The following LRPAP1 variants were observed in gnomAD, a reference collection of about 807,000 sequenced individuals.
LRPAP1 encodes alpha-2-macroglobulin receptor-associated protein.
A neutral mutation model predicts 39.9 loss-of-function variants in LRPAP1; 41 were observed. The observed-to-expected ratio is 1.03, with a 90% CI of 0.80 to 1.33. The LOEUF is 1.33. LRPAP1 is among the 40% of genes most tolerant of loss of function. The probability of loss-of-function intolerance (pLI) is 0.00; values close to 1 mark genes in which losing one functional copy is unlikely to be tolerated. For missense variants in LRPAP1, 565 were observed against 482.3 expected (o/e 1.17, Z -1.61); for synonymous variants, 263 against 212.7 (o/e 1.24, Z -2.06).
In LRPAP1 at chr4:3,532,367, G is replaced by C. The variant is rs763402040; in HGVS notation, c.46C>G (p.Leu16Val). 18 of 1,593,314 alleles carry C rather than the reference G, an allele frequency of 1.1e-5. No individual in the cohort carries two copies. The highest frequency in any genetic ancestry group is 2.3e-5 in the East Asian group (1 of 44,026). The change falls in exon 1 of 8, where the codon CTG (leucine) becomes GTG (valine). Residue 16 changes from leucine (L) to valine (V), a missense_variant. By Grantham distance (32) the Leu-to-Val change is conservative (BLOSUM62 1). Transcript: ENST00000650182. ...CCGAGGAAGAGCAGCAGCAGTAGCA[G>C]CGCCGGGAGCCCGCGCAGAAACGAC... ...VRSFLRGLPA[L>V]LLLLLFLGPW...
chr4:3,519,134 A>C lies in LRPAP1; in HGVS notation c.472-143T>G, dbSNP rs181124854. 6.6e-4 allele frequency: 905 copies of C among 1,365,674 alleles called. No individual in the cohort carries two copies. In the African/African-American group the frequency reaches 0.011, roughly 17 times the overall value. The allele number at this position is 1,365,674 out of a possible 1,614,324, so 84.6% of individuals were successfully genotyped here. On this transcript the variant is annotated intron_variant, in intron 3 of 7. Coordinates refer to ENST00000650182, the MANE Select transcript of LRPAP1 (RefSeq NM_002337.4). ...GGTTCTTGGCCTCACGAAGGGCAGG[A>C]AAACAAAAAACAAACCGGAGAAGAG... is the stretch of plus-strand genomic sequence containing the variant.
chr4:3,524,280 C>A (rs1730010594), intron 2 of LRPAP1, among the ~76,000 whole-genome samples: 1 of 152,330 alleles, frequency 6.6e-6, no homozygotes, highest in South Asian at 2.1e-4. Flanking sequence ...ATGCTGGTAC[C>A]AAGCAGGCGA....
At chr4:3,523,143 A>G (rs191067477) in intron 2 of LRPAP1, among the ~76,000 whole-genome samples, 98 of 152,264 alleles carry the variant, frequency 6.4e-4, no homozygotes, top group African/African-American at 2.3e-3. Context: ...CCCTGCAAGG[A>G]CACTGCCTGG....
chr4:3,527,806 C>A (rs1475171401), intron 1 of LRPAP1, among the ~76,000 whole-genome samples: 1 of 152,204 alleles, frequency 6.6e-6, no homozygotes, highest in Non-Finnish European at 1.5e-5. Context: ...CACAGCCAGG[C>A]ACCAACCCCT....
chr4:3,515,685 G>A (rs547129346), intron 6 of LRPAP1, among the ~76,000 whole-genome samples: 1 of 152,238 alleles, frequency 6.6e-6, no homozygotes, highest in Non-Finnish European at 1.5e-5. Flanking sequence ...AGAATGATCT[G>A]GCACTCCACA....
At position 3,511,892 on chromosome 4, in the gene LRPAP1, G is replaced by A. The variant is rs1263164571; in HGVS notation, c.*1082C>T. The A allele has an allele frequency of 8.9e-6, 1 of 112,072 alleles. No homozygotes were observed. Among genetic ancestry groups the A allele is most frequent in the Non-Finnish European group, 1.8e-5 (1 of 54,704 alleles). The allele number at this position is 112,072 out of a possible 1,614,324, so 6.9% of individuals were successfully genotyped here. On this transcript the variant is annotated 3_prime_UTR_variant, in exon 8 of 8. Coordinates refer to ENST00000650182, the MANE Select transcript of LRPAP1 (RefSeq NM_002337.4). ...GGCTCAGACACGGGAAGGGAACCAC[G>A]CTCGGAGCCGGACCCGAGCCTCTTC...
rs1729555476 is a variant in LRPAP1, at chr4:3,512,391, AAACTC to A, written c.*578_*582del. ...ACCACACGCTCCACATCTTCCCCTC[AAACTC>A]AACTCAAGCGCTCTTGGCTTTAAAT... is the stretch of plus-strand genomic sequence containing the variant. On this transcript the variant is annotated 3_prime_UTR_variant, in exon 8 of 8. Coordinates refer to ENST00000650182, the MANE Select transcript of LRPAP1 (RefSeq NM_002337.4). The A allele has an allele frequency of 6.5e-6, 1 of 153,898 alleles. No homozygotes were observed. The allele number at this position is 153,898 out of a possible 1,614,324, so 9.5% of individuals were successfully genotyped here. A position where few individuals can be genotyped will look rare whatever the true frequency, so the allele number is the denominator to read the frequency against.
intron 1 of LRPAP1, among the ~76,000 whole-genome samples, chr4:3,528,613 G>A (rs573293349): frequency 9.2e-5 from 14 of 152,298 alleles, no homozygotes; most frequent in African/African-American, 2.2e-4. Flanking sequence ...TCCTCCCAGC[G>A]CTCACCTGAG....
intron 1 of LRPAP1, among the ~76,000 whole-genome samples, chr4:3,529,810 T>C (rs1197827428): frequency 6.6e-6 from 1 of 152,198 alleles, no homozygotes; most frequent in Non-Finnish European, 1.5e-5. Context: ...CTTCACCCTA[T>C]GCCTACTGAC....
Position 3,511,801 on chromosome 4 carries a change from C to A in LRPAP1, c.*1173G>T, listed in dbSNP as rs1349698108. On this transcript the variant is annotated 3_prime_UTR_variant, in exon 8 of 8. Coordinates refer to ENST00000650182, the MANE Select transcript of LRPAP1 (RefSeq NM_002337.4). ...CGGGAACCACGCCCAGAGCCGGACCCGAGCCTCTTCCAGGCTCAGACACGG... is the reference window on the plus strand; with the variant it reads ...CGGGAACCACGCCCAGAGCCGGACCAGAGCCTCTTCCAGGCTCAGACACGG... 1 of 145,534 alleles carries A rather than the reference C, an allele frequency of 6.9e-6. No homozygotes were observed. The highest frequency in any genetic ancestry group is 1.5e-5 in the Non-Finnish European group (1 of 66,366). 9.0% of individuals were successfully genotyped at this position (145,534 alleles called of 1,614,324 possible).
At chr4:3,521,526 AC>A (rs1011665063) in intron 2 of LRPAP1, among the ~76,000 whole-genome samples, 4 of 152,068 alleles carry the variant, frequency 2.6e-5, no homozygotes, top group African/African-American at 9.7e-5. Context: ...CTCGAGGGAC[AC>A]CCTGAAAGCC....
intron 3 of LRPAP1, among the ~76,000 whole-genome samples, chr4:3,519,285 G>A (rs1038639192): frequency 6.6e-6 from 1 of 152,212 alleles, no homozygotes; most frequent in Non-Finnish European, 1.5e-5. Context: ...CGGTGACCCC[G>A]GGCTTGCCTG....
intron 7 of LRPAP1, 88 bp downstream of exon 7, chr4:3,514,664 T>G: frequency 6.8e-7 from 1 of 1,475,316 alleles, no homozygotes; most frequent in Non-Finnish European, 9.1e-7. Flanking sequence ...CCACACCCCA[T>G]CTACAGGAAG....
intron 1 of LRPAP1, among the ~76,000 whole-genome samples, chr4:3,530,770 G>T (rs569257531): frequency 6.6e-6 from 1 of 152,196 alleles, no homozygotes; most frequent in African/African-American, 2.4e-5. Context: ...GCTGGAGGTG[G>T]CTGGAGGTAA....
chr4:3,507,508 C>T lies in LRPAP1; in HGVS notation c.*5466G>A, dbSNP rs1729390021. On this transcript the variant is annotated 3_prime_UTR_variant, in exon 8 of 8. Transcript: ENST00000650182. ...TACATTATCATCTGCGAATTACTGACATTTGCTTTGGGTCCTAGTACCTCG... is the reference window on the plus strand; with the variant it reads ...TACATTATCATCTGCGAATTACTGATATTTGCTTTGGGTCCTAGTACCTCG... 6.6e-6 allele frequency: 1 copy of T among 152,166 alleles called. No individual in the cohort carries two copies. The highest frequency in any genetic ancestry group is 2.4e-5 in the African/African-American group (1 of 41,430). The allele number at this position is 152,166 out of a possible 1,614,324, so 9.4% of individuals were successfully genotyped here.
At chr4:3,517,825 A>C in intron 5 of LRPAP1, 3 of 515,470 alleles carry the variant, frequency 5.8e-6, no homozygotes, top group Non-Finnish European at 6.6e-6. Context: ...GTCTCCAGGT[A>C]CAAGGCTGGG....
intron 6 of LRPAP1, 163 bp downstream of exon 6, chr4:3,515,953 T>G: frequency 1.5e-6 from 1 of 679,562 alleles, no homozygotes; most frequent in Non-Finnish European, 2.5e-6. Flanking sequence ...CCCACGCAGA[T>G]GAGAAGGAAA....
At chr4:3,514,491 G>C (rs1021614082) in intron 7 of LRPAP1, among the ~76,000 whole-genome samples, 1 of 152,248 alleles carries the variant, frequency 6.6e-6, no homozygotes, top group Admixed American at 6.5e-5. Context: ...GGTCACAGGA[G>C]GACGAGGCAG....
At position 3,512,390 on chromosome 4, in the gene LRPAP1, C is replaced by CA. The variant is rs1729555408; in HGVS notation, c.*583dup. ...AACCACACGCTCCACATCTTCCCCT[C>CA]AAACTCAACTCAAGCGCTCTTGGCT... On this transcript the variant is annotated 3_prime_UTR_variant, in exon 8 of 8. Transcript: ENST00000650182. 6.5e-6 allele frequency: 1 copy of CA among 154,042 alleles called. No individual in the cohort carries two copies. Among genetic ancestry groups the CA allele is most frequent in the Non-Finnish European group, 1.4e-5 (1 of 69,228 alleles). The allele number at this position is 154,042 out of a possible 1,614,324, so 9.5% of individuals were successfully genotyped here.
Sources: gnomAD v4.1 joint callset for allele counts (sites outside exome capture counted in the v4.1 genomes callset) on GRCh38, gnomAD v4.1.1 for gene constraint, MANE v1.5 for transcripts, NCBI Gene and HGNC (gene_info 2026-07-23, HGNC 2026-07-21) for gene names.